The following CDH18 variants were observed in gnomAD, a reference collection of about 807,000 sequenced individuals.
CDH18 encodes the protein cadherin 18.
Under a neutral mutation model 67.9 loss-of-function variants are expected in CDH18, and 31 were observed. That is an observed-to-expected ratio of 0.46 (90% confidence interval 0.34 to 0.62). The LOEUF (loss-of-function observed/expected upper bound fraction) is 0.62. Ranked by LOEUF, CDH18 falls within the 20% of genes least tolerant of loss-of-function variation. The probability of loss-of-function intolerance (pLI) is 0.01; values close to 1 mark genes in which losing one functional copy is unlikely to be tolerated. For synonymous variants in CDH18, 362 were observed against 347.2 expected, an observed-to-expected ratio of 1.04 and a Z score of -0.48; for missense variants, 890 against 975.5, an observed-to-expected ratio of 0.91 and a Z score of 1.17.
chr5:20,092,549 T>C (rs1396153578), intron 2 of CDH18, among the ~76,000 whole-genome samples: 2 of 152,208 alleles, frequency 1.3e-5, no homozygotes, highest in African/African-American at 4.8e-5. Flanking sequence ...CATATTTTAA[T>C]ACCATGATTG....
chr5:19,830,971 T>A (rs1286346970), intron 3 of CDH18, among the ~76,000 whole-genome samples: 2 of 151,996 alleles, frequency 1.3e-5, no homozygotes, highest in Non-Finnish European at 1.5e-5. Flanking sequence ...CATTTATAAG[T>A]GGTAGCTGAA....
chr5:19,829,528 G>A (rs1780793260), intron 3 of CDH18, among the ~76,000 whole-genome samples: 1 of 152,166 alleles, frequency 6.6e-6, no homozygotes, highest in Admixed American at 6.6e-5. Flanking sequence ...TATTGACGAT[G>A]AGAATTTCAA....
At chr5:19,857,429 A>G (rs1391360609) in intron 2 of CDH18, among the ~76,000 whole-genome samples, 1 of 152,172 alleles carries the variant, frequency 6.6e-6, no homozygotes, top group Non-Finnish European at 1.5e-5. Context: ...ATGATGATAA[A>G]TAGCTGACAC....
At position 20,215,157 on chromosome 5, in the gene CDH18, G is replaced by T. The variant is rs145416410; in HGVS notation, c.-518+40287C>A. Among the ~76,000 whole-genome samples, 42 of 152,040 alleles carry T rather than the reference G, an allele frequency of 2.8e-4. No homozygotes were observed. The East Asian group carries it at 7.9e-3, about 29-fold the overall frequency. On this transcript the variant is annotated intron_variant, in intron 2 of 14. Transcript: ENST00000507958. ...GTGAGATACAACCTCATACCAGTCA[G>T]AATGGCTATTATTAAATGGTCAAAA...
upstream of CDH18, among the ~76,000 whole-genome samples, chr5:19,992,413 G>A (rs1377285646): frequency 1.4e-5 from 2 of 142,368 alleles, no homozygotes; most frequent in Non-Finnish European, 3.0e-5. Context: ...CTAGCTTTAA[G>A]TATTAAAATA....
chr5:20,062,057 A>T (rs1043687317), intron 2 of CDH18, among the ~76,000 whole-genome samples: 1 of 151,942 alleles, frequency 6.6e-6, no homozygotes, highest in East Asian at 1.9e-4. Flanking sequence ...CATATTACAC[A>T]TTTGAAAAAC....
intron 1 of CDH18, among the ~76,000 whole-genome samples, chr5:20,496,242 A>G (rs1476973856): frequency 6.6e-6 from 1 of 152,156 alleles, no homozygotes; most frequent in Non-Finnish European, 1.5e-5. Context: ...TAAACAAGTT[A>G]CTAGGAAAGG....
chr5:20,239,825 G>T (rs185063873), intron 2 of CDH18, among the ~76,000 whole-genome samples: 6 of 151,834 alleles, frequency 4.0e-5, no homozygotes, highest in Non-Finnish European at 7.4e-5. Flanking sequence ...GTTTAATTAA[G>T]AGTCTCCTGG....
intron 2 of CDH18, among the ~76,000 whole-genome samples, chr5:20,005,170 AAAAT>A (rs1178562838): frequency 6.6e-6 from 1 of 152,144 alleles, no homozygotes; most frequent in Non-Finnish European, 1.5e-5. Context: ...TATAGAAACA[AAAAT>A]AAATAAAGCA....
intron 3 of CDH18, among the ~76,000 whole-genome samples, chr5:19,792,970 G>C (rs1305033780): frequency 6.6e-6 from 1 of 152,088 alleles, no homozygotes; most frequent in Non-Finnish European, 1.5e-5. Flanking sequence ...TACCATTGTT[G>C]TCATAGCCTT....
At chr5:20,200,899 C>G (rs966427859) in intron 2 of CDH18, among the ~76,000 whole-genome samples, 1 of 151,836 alleles carries the variant, frequency 6.6e-6, no homozygotes, top group Admixed American at 6.6e-5. Context: ...GTTACAAGGG[C>G]CTTATTCAAC....
At position 19,841,325 on chromosome 5, in the gene CDH18, C is replaced by G. The variant is rs1782293216; in HGVS notation, c.-256-2083G>C. Among the ~76,000 whole-genome samples the G allele has an allele frequency of 3.9e-5, 6 of 152,176 alleles. No homozygotes were observed. In the South Asian group the frequency reaches 1.2e-3, roughly 32 times the overall value. On this transcript the variant is annotated intron_variant, in intron 2 of 12. Transcript: ENST00000382275. ...AGAGAGAGCAATACTATTCTAGCTT[C>G]AAAATGGCAAGAGCATTGGAAAGAG...
chr5:19,684,650 CAA>C (rs1273025632), intron 5 of CDH18, among the ~76,000 whole-genome samples: 1 of 151,076 alleles, frequency 6.6e-6, no homozygotes, highest in Admixed American at 6.6e-5. Flanking sequence ...TGTTTAAAAA[CAA>C]TGTTAATTTT....
At chr5:19,765,377 T>C (rs1772933681) in intron 3 of CDH18, among the ~76,000 whole-genome samples, 2 of 135,942 alleles carry the variant, frequency 1.5e-5, no homozygotes, top group Middle Eastern at 3.9e-3. Flanking sequence ...TCTCAATCTA[T>C]AGTCCTGTTT....
chr5:19,483,687 G>C lies in CDH18; in HGVS notation c.1631-135C>G, dbSNP rs957785736. 5 of 860,112 alleles carry C rather than the reference G, an allele frequency of 5.8e-6. No individual in the cohort carries two copies. The Admixed American group carries it at 1.6e-4, about 27-fold the overall frequency. The allele number at this position is 860,112 out of a possible 1,614,324, so 53.3% of individuals were successfully genotyped here. On this transcript the variant is annotated intron_variant, in intron 11 of 12. Coordinates refer to ENST00000382275, the MANE Select transcript of CDH18 (RefSeq NM_004934.5). ...TGAAATGGACAAGGGAACACGAAGG[G>C]GCAATTATTAAAGAGAAGCTAATAT...
chr5:20,480,067 G>A (rs1367226485), intron 1 of CDH18, among the ~76,000 whole-genome samples: 1 of 152,034 alleles, frequency 6.6e-6, no homozygotes, highest in African/African-American at 2.4e-5. Context: ...GAGAAATAAA[G>A]ACTTTATCAG....
Position 19,571,667 on chromosome 5 carries a change from G to T in CDH18, c.1165C>A (p.Leu389Ile), listed in dbSNP as rs753091442. 6.2e-7 allele frequency: 1 copy of T among 1,613,424 alleles called. No homozygotes were observed. The highest frequency in any genetic ancestry group is 8.5e-7 in the Non-Finnish European group (1 of 1,179,514). ...TTGGCATTTTCGTAGACTTCCATGAGGTAGGAAGGCATGGAAAATAGTGGT... is the reference window on the plus strand; with the variant it reads ...TTGGCATTTTCGTAGACTTCCATGATGTAGGAAGGCATGGAAAATAGTGGT... ...EPPLFSMPSY[L>I]MEVYENAKIG... Residue 389 changes from leucine to isoleucine, a missense_variant, in exon 8 of 13, where the codon CTC becomes ATC. Around this residue, in one of 2 missense-constraint regions of CDH18, gnomAD observed 656 missense variants for 668.1 expected, o/e 0.98. Transcript: ENST00000382275.
At chr5:20,002,040 A>G (rs1580000462) in intron 2 of CDH18, among the ~76,000 whole-genome samples, 1 of 152,066 alleles carries the variant, frequency 6.6e-6, no homozygotes, top group African/African-American at 2.4e-5. Flanking sequence ...CCCTAACCAT[A>G]TGTTCTGCTC....
chr5:19,822,453 G>A (rs1036407626), intron 3 of CDH18, among the ~76,000 whole-genome samples: 4 of 152,174 alleles, frequency 2.6e-5, no homozygotes, highest in African/African-American at 7.2e-5. Context: ...GATATTTCAC[G>A]TAGGTTCTTT....
Sources: gnomAD v4.1 joint callset for allele counts (sites outside exome capture counted in the v4.1 genomes callset) on GRCh38, gnomAD v4.1.1 for gene constraint, gnomAD v4.1.1 regional missense constraint, MANE v1.5 for transcripts, NCBI Gene and HGNC (gene_info 2026-07-23, HGNC 2026-07-21) for gene names.